Variants in STK32B observed in about 807,000 individuals in gnomAD.
STK32B encodes serine/threonine kinase 32B.
Under a neutral mutation model 52.6 loss-of-function variants are expected in STK32B, and 43 were observed. That is an observed-to-expected ratio of 0.82 (90% CI 0.64 to 1.05). The LOEUF is 1.05. STK32B is among the 50% of genes least tolerant of loss of function. The pLI, the probability that STK32B is intolerant of heterozygous loss-of-function variation, is 0.00. For missense variants in STK32B, 621 were observed against 534.6 expected, an observed-to-expected ratio of 1.16 and a Z score of -1.59; for synonymous variants, 238 against 204.3, an observed-to-expected ratio of 1.17 and a Z score of -1.41.
intron 11 of STK32B, among the ~76,000 whole-genome samples, chr4:5,494,008 C>T (rs1294317377): frequency 6.6e-6 from 1 of 152,170 alleles, no homozygotes; most frequent in Admixed American, 6.5e-5. Context: ...AGTATGTGGT[C>T]AATTTTGGAA....
chr4:5,495,421 C>T (rs1430995671), intron 11 of STK32B, among the ~76,000 whole-genome samples: 1 of 152,214 alleles, frequency 6.6e-6, no homozygotes, highest in African/African-American at 2.4e-5. Flanking sequence ...TGGCTTTCAG[C>T]TCCATCAGCT....
chr4:5,456,781 T>G, intron 7 of STK32B, 26 bp from the exon 8 acceptor site: 1 of 1,543,378 alleles, frequency 6.5e-7, no homozygotes, highest in South Asian at 1.3e-5. Flanking sequence ...CTCTCTCTGA[T>G]TCTGGCTGTT....
At chr4:5,270,370 C>A (rs1386977764) in intron 3 of STK32B, among the ~76,000 whole-genome samples, 1 of 152,126 alleles carries the variant, frequency 6.6e-6, no homozygotes, top group East Asian at 1.9e-4. Context: ...CTAGTCTAGT[C>A]TTTCCATGTT....
At chr4:5,228,883 C>T (rs1287837762) in intron 3 of STK32B, among the ~76,000 whole-genome samples, 1 of 152,116 alleles carries the variant, frequency 6.6e-6, no homozygotes, top group Non-Finnish European at 1.5e-5. Context: ...AGGAGAATTG[C>T]TTGAACCCAG....
At chr4:5,257,129 G>A (rs1726368303) in intron 3 of STK32B, among the ~76,000 whole-genome samples, 1 of 152,196 alleles carries the variant, frequency 6.6e-6, no homozygotes, top group African/African-American at 2.4e-5. Context: ...GAGGGTGAAT[G>A]AGTGAGTGGG....
chr4:5,124,295 G>A (rs759654941), intron 1 of STK32B, among the ~76,000 whole-genome samples: 1 of 152,202 alleles, frequency 6.6e-6, no homozygotes, highest in Non-Finnish European at 1.5e-5. Flanking sequence ...TGAGAGCTAT[G>A]TGCTTTCTGC....
At chr4:5,424,787 A>G (rs928552629) in intron 6 of STK32B, among the ~76,000 whole-genome samples, 8 of 83,026 alleles carry the variant, frequency 9.6e-5, no homozygotes, top group African/African-American at 2.6e-4. Context: ...CAGGGCTGAA[A>G]TATGCCCCCT....
At chr4:5,285,063 T>C (rs1349265817) in intron 3 of STK32B, among the ~76,000 whole-genome samples, 1 of 152,214 alleles carries the variant, frequency 6.6e-6, no homozygotes, top group East Asian at 1.9e-4. Context: ...TAAAGTACAG[T>C]ATTGTAAATA....
chr4:5,243,183 C>T (rs1329857526), intron 3 of STK32B, among the ~76,000 whole-genome samples: 1 of 152,116 alleles, frequency 6.6e-6, no homozygotes, highest in Non-Finnish European at 1.5e-5. Flanking sequence ...TGGCCATTTT[C>T]ACGATATTGA....
At chr4:5,084,757 T>C (rs1050129615) in intron 1 of STK32B, among the ~76,000 whole-genome samples, 1 of 152,248 alleles carries the variant, frequency 6.6e-6, no homozygotes, top group African/African-American at 2.4e-5. Context: ...ACTTAGTTTT[T>C]GTATGGTTTC....
intron 3 of STK32B, among the ~76,000 whole-genome samples, chr4:5,291,760 T>C (rs927207187): frequency 6.6e-6 from 1 of 152,146 alleles, no homozygotes; most frequent in Non-Finnish European, 1.5e-5. Flanking sequence ...TCTTTCTCTA[T>C]TAAGTCTGAT....
At chr4:5,300,636 C>A (rs1434604800) in intron 3 of STK32B, among the ~76,000 whole-genome samples, 1 of 152,080 alleles carries the variant, frequency 6.6e-6, no homozygotes, top group Non-Finnish European at 1.5e-5. Context: ...CATTTCTATC[C>A]ACTAATAACA....
intron 2 of STK32B, among the ~76,000 whole-genome samples, chr4:5,167,938 G>A (rs575003259): frequency 9.2e-5 from 14 of 152,302 alleles, no homozygotes; most frequent in East Asian, 7.7e-4. Flanking sequence ...ACTCGTGCAC[G>A]CCACACATCT....
rs80081419 is a variant in STK32B at position 5,368,328 on chromosome 4, A to G, written c.435-29879A>G. On this transcript the variant is annotated intron_variant, in intron 4 of 11. Transcript: ENST00000282908. The stretch of plus-strand genomic sequence containing the variant: ...TATAAATAATAAGGGCTTTGCTTTC[A>G]GTAACTCACTAATCCTCACACAACG... Among the ~76,000 whole-genome samples, 206 of 128,162 alleles carry G rather than the reference A, an allele frequency of 1.6e-3. No individual in the cohort carries two copies. In the East Asian group the frequency reaches 0.018, roughly 11 times the overall value. The allele number at this position is 128,162 out of a possible 152,430, so 84.1% of individuals were successfully genotyped here.
chr4:5,265,317 G>A (rs1214761905), intron 3 of STK32B, among the ~76,000 whole-genome samples: 3 of 152,204 alleles, frequency 2.0e-5, no homozygotes, highest in Non-Finnish European at 2.9e-5. Flanking sequence ...CTTGGAAAGC[G>A]TTAATTCTTT....
intron 3 of STK32B, among the ~76,000 whole-genome samples, chr4:5,316,652 AAT>A (rs1478120634): frequency 0.079 from 614 of 7,792 alleles, 108 homozygotes; most frequent in Non-Finnish European, 0.086. Flanking sequence ...TTATATATAT[AAT>A]ATATAATATA....
At chr4:5,099,460 G>GCGCACGTGCA (rs1553823553) in intron 1 of STK32B, among the ~76,000 whole-genome samples, 4 of 151,984 alleles carry the variant, frequency 2.6e-5, no homozygotes, top group Non-Finnish European at 4.4e-5. Context: ...GCGCGCGCGC[G>GCGCACGTGCA]TATGTGATGT....
In STK32B at chr4:5,073,450, T is replaced by G. The variant is rs193205126; in HGVS notation, c.52+21535T>G. ...TGTTTTCTTATTTTGTAATATATCT[T>G]TATTTCTACATGTAATATAAAACTC... On this transcript the variant is annotated intron_variant, in intron 1 of 11. Transcript: ENST00000282908. 2.9e-3 allele frequency among the ~76,000 whole-genome samples: 437 copies of G among 152,136 alleles called. 4 individuals are homozygous for G. The highest frequency in any genetic ancestry group is 0.015 in the South Asian group (72 of 4,820).
chr4:5,354,280 A>G (rs1209889070), intron 4 of STK32B, among the ~76,000 whole-genome samples: 1 of 152,106 alleles, frequency 6.6e-6, no homozygotes, highest in Non-Finnish European at 1.5e-5. Context: ...TATGTGTACA[A>G]TTTTAGATGG....
Sources: gnomAD v4.1 joint callset for allele counts (sites outside exome capture counted in the v4.1 genomes callset) on GRCh38, gnomAD v4.1.1 for gene constraint, MANE v1.5 for transcripts, NCBI Gene and HGNC (gene_info 2026-07-23, HGNC 2026-07-21) for gene names.